The following EDA variants were observed in gnomAD, a reference collection of about 807,000 sequenced individuals.
The protein encoded by EDA is ectodysplasin-A.
EDA carries 2 observed loss-of-function variants against 23.6 expected under a neutral mutation model. That is an observed-to-expected ratio of 0.08 (90% confidence interval 0.03 to 0.27). The LOEUF (loss-of-function observed/expected upper bound fraction) is 0.27, where lower values mean the gene tolerates loss of function less well. Ranked by LOEUF, EDA falls within the 10% of genes least tolerant of loss-of-function variation. EDA has a pLI of 1.00. For synonymous variants in EDA, 131 were observed against 132.0 expected (o/e 0.99, Z 0.05); for missense variants, 229 against 324.2 (o/e 0.71, Z 2.26).
At chrX:69,661,849 G>T (rs1933519715) in intron 1 of EDA, among the ~76,000 whole-genome samples, 1 of 111,611 alleles carries the variant, frequency 9.0e-6, no homozygotes, top group African/African-American at 3.3e-5. Context: ...ACATTTCATT[G>T]TGTATATTTA....
chrX:69,837,558 T>C (rs1454121365), intron 1 of EDA, among the ~76,000 whole-genome samples: 1 of 112,441 alleles, frequency 8.9e-6, no homozygotes, highest in Non-Finnish European at 1.9e-5. Context: ...GTTTATATTC[T>C]TCAAGACACA....
chrX:70,025,636 G>T (rs1410234412), intron 3 of EDA, among the ~76,000 whole-genome samples: 1 of 112,114 alleles, frequency 8.9e-6, no homozygotes, highest in Non-Finnish European at 1.9e-5. Flanking sequence ...CAGATTTTGT[G>T]TTCTTTCCAC....
At chrX:69,623,075 A>G (rs143559681) in intron 1 of EDA, among the ~76,000 whole-genome samples, 149 of 111,895 alleles carry the variant, frequency 1.3e-3, no homozygotes, top group African/African-American at 4.6e-3. Context: ...CACTACCACA[A>G]TCTTAATTAC....
intron 1 of EDA, among the ~76,000 whole-genome samples, chrX:69,821,635 C>T (rs770575406): frequency 1.6e-4 from 18 of 111,216 alleles, no homozygotes; most frequent in Non-Finnish European, 3.4e-4. Context: ...CATTTCAGTA[C>T]CGAGATCTTG....
At chrX:69,705,902 T>C (rs1331634179) in intron 1 of EDA, among the ~76,000 whole-genome samples, 2 of 112,110 alleles carry the variant, frequency 1.8e-5, no homozygotes, top group Non-Finnish European at 3.8e-5. Context: ...ATTGTCATTA[T>C]TTGCTCAAAC....
chrX:69,773,856 C>A (rs2014704515), intron 1 of EDA, among the ~76,000 whole-genome samples: 1 of 111,840 alleles, frequency 8.9e-6, no homozygotes, highest in African/African-American at 3.2e-5. Flanking sequence ...GTTGTCTTTT[C>A]ACTCTCCTGA....
rs918461494 is a variant in EDA at position 69,720,358 on chromosome X, T to G, written c.396+103654T>G. ...TGGTGTGTCTTAGCATGGATTTCTT[T>G]GAGTTTATCCCACTTGAAGTTGACT... On this transcript the variant is annotated intron_variant, in intron 1 of 7. Transcript: ENST00000374552. Among the ~76,000 whole-genome samples the G allele has an allele frequency of 4.5e-5, 5 of 112,124 alleles. No homozygotes were observed. The East Asian group carries it at 8.4e-4, about 19-fold the overall frequency.
intron 1 of EDA, among the ~76,000 whole-genome samples, chrX:69,640,365 T>C (rs1250667788): frequency 1.8e-5 from 2 of 112,221 alleles, no homozygotes; most frequent in Admixed American, 9.5e-5. Context: ...GTACACTTCC[T>C]GGCACATAGT....
intron 2 of EDA, among the ~76,000 whole-genome samples, chrX:69,962,408 T>C (rs1336978032): frequency 2.7e-5 from 3 of 112,240 alleles, no homozygotes; most frequent in Non-Finnish European, 5.6e-5. Context: ...TCAAAAGTGT[T>C]AATGTCTGCA....
chrX:70,029,712 C>T (rs916807226), intron 5 of EDA, among the ~76,000 whole-genome samples, 174 bp downstream of exon 5: 1 of 112,700 alleles, frequency 8.9e-6, no homozygotes, highest in Non-Finnish European at 1.9e-5. Context: ...AAAGCTTTGC[C>T]CCAGGGCATG....
chrX:69,778,761 T>C (rs2014858588), intron 1 of EDA, among the ~76,000 whole-genome samples: 1 of 111,543 alleles, frequency 9.0e-6, no homozygotes, highest in Non-Finnish European at 1.9e-5. Context: ...TTCTTAGTGA[T>C]GAAATTGAGC....
chrX:69,987,130 C>CGGGGGAGGGGGGGGGGGGG (rs2019504975), intron 2 of EDA, among the ~76,000 whole-genome samples: 1 of 29,752 alleles, frequency 3.4e-5, no homozygotes, highest in African/African-American at 1.5e-4. Context: ...GTGGTGGGGT[C>CGGGGGAGGGGGGGGGGGGG]GGGGGAGGGA....
chrX:69,885,706 A>G (rs757854674), intron 1 of EDA, among the ~76,000 whole-genome samples: 129 of 111,814 alleles, frequency 1.2e-3, no homozygotes, highest in African/African-American at 4.1e-3. Context: ...TAGGAAGGTC[A>G]TTTTGACAAG....
At chrX:70,017,420 C>T (rs908138617) in intron 2 of EDA, among the ~76,000 whole-genome samples, 3 of 111,331 alleles carry the variant, frequency 2.7e-5, no homozygotes, top group African/African-American at 9.8e-5. Flanking sequence ...AGGCCAATAT[C>T]CTTGTTGAAC....
intron 1 of EDA, among the ~76,000 whole-genome samples, chrX:69,838,967 T>C (rs2016839988): frequency 8.9e-6 from 1 of 112,038 alleles, no homozygotes; most frequent in South Asian, 3.7e-4. Context: ...TAAATGCAAA[T>C]ATGTAGATGT....
chrX:69,701,476 C>T (rs1267496076), intron 1 of EDA, among the ~76,000 whole-genome samples: 1 of 111,914 alleles, frequency 8.9e-6, no homozygotes, highest in East Asian at 2.8e-4. Flanking sequence ...CCTGCAGGGC[C>T]CCTTATGGTG....
At chrX:69,631,381 C>CAAA (rs1212176285) in intron 1 of EDA, among the ~76,000 whole-genome samples, 1 of 52,853 alleles carries the variant, frequency 1.9e-5, no homozygotes, top group Non-Finnish European at 3.3e-5. Flanking sequence ...GACTCCGTGT[C>CAAA]AAAAAAAAAA....
At chrX:69,621,026 C>T (rs747288593) in intron 1 of EDA, 7 of 291,251 alleles carry the variant, frequency 2.4e-5, no homozygotes, top group Admixed American at 4.3e-5. Flanking sequence ...GCCTTAACCA[C>T]GTGGTCAGTC....
At chrX:69,859,965 C>T (rs978684862) in intron 1 of EDA, among the ~76,000 whole-genome samples, 2 of 102,483 alleles carry the variant, frequency 2.0e-5, no homozygotes, top group Non-Finnish European at 4.0e-5. Flanking sequence ...GAACCCTTTA[C>T]CATTATATAA....
Sources: allele counts gnomAD v4.1 joint callset (sites outside exome capture counted in the v4.1 genomes callset), GRCh38; gene constraint gnomAD v4.1.1; transcripts MANE v1.5; gene names NCBI Gene and HGNC (gene_info 2026-07-23, HGNC 2026-07-21).